Variants in ANO8 observed in about 807,000 individuals in gnomAD.
ANO8 encodes anoctamin 8, also known as anoctamin-8.
ANO8 carries 67 observed loss-of-function variants against 120.4 expected under a neutral mutation model. The ratio of observed to expected loss-of-function variants is 0.56; its 90% CI spans 0.46 to 0.68. The LOEUF (loss-of-function observed/expected upper bound fraction) is 0.68, where lower values mean the gene tolerates loss of function less well. Ranked by LOEUF, ANO8 falls within the 30% of genes least tolerant of loss-of-function variation. The pLI, the probability that ANO8 is intolerant of heterozygous loss-of-function variation, is 0.00. For missense variants in ANO8, 1,526 were observed against 1,737.6 expected, an observed-to-expected ratio of 0.88 and a Z score of 2.16; for synonymous variants, 727 against 759.2, an observed-to-expected ratio of 0.96 and a Z score of 0.70.
At chr19:17,328,134 C>CCCCTGCGAGGCCCCGCT in intron 13 of ANO8, 28 bp downstream of exon 13, 1 of 1,510,500 alleles carries the variant, frequency 6.6e-7, no homozygotes, top group Non-Finnish European at 8.9e-7. Flanking sequence ...GAGGCCCCGC[C>CCCCTGCGAGGCCCCGCT]CCCTGCGAGG....
intron 5 of ANO8, among the ~76,000 whole-genome samples, chr19:17,332,449 A>G (rs1568362311): frequency 6.6e-6 from 1 of 152,038 alleles, no homozygotes; most frequent in South Asian, 2.1e-4. Context: ...ACGTCTGAGG[A>G]ATGGTAAAAA....
At chr19:17,327,376 C>T (rs1030661026) in intron 15 of ANO8, 31 bp from the exon 16 acceptor site, 1 of 1,550,640 alleles carries the variant, frequency 6.4e-7, no homozygotes, top group Admixed American at 2.0e-5. Flanking sequence ...AGGCTGCAGG[C>T]TGCAGACGCT....
chr19:17,325,017 CA>C lies in ANO8; in HGVS notation c.3030del (p.Ala1011ProfsTer308). The C allele has an allele frequency of 6.2e-7, 1 of 1,612,952 alleles. No homozygotes were observed. Among genetic ancestry groups the C allele is most frequent in the Non-Finnish European group, 8.5e-7 (1 of 1,179,866 alleles). ...GTGTCGCTGCCTGTGGGTGACTGGG[CA>C]GGGGGAGGCCGGGTGGTGGCTCCGG... ...AGAGATTRPP[P>X]AQSPTGSDTR... is the part of the protein sequence containing the mutation. On this transcript the variant is annotated frameshift_variant, in exon 17 of 18. Coordinates refer to ENST00000159087, the MANE Select transcript of ANO8 (RefSeq NM_020959.3). LOFTEE classifies it high-confidence loss of function.
At chr19:17,331,260 T>TG in intron 6 of ANO8, 35 bp downstream of exon 6, 1 of 1,614,168 alleles carries the variant, frequency 6.2e-7, no homozygotes, top group Non-Finnish European at 8.5e-7. Flanking sequence ...GCCTGTCTGC[T>TG]GGGACTCCCT....
chr19:17,330,179 C>T lies in ANO8; in HGVS notation c.1219G>A (p.Val407Ile). The change falls in exon 10 of 18, where the codon GTC (valine) becomes ATC (isoleucine). Residue 407 changes from valine (V) to isoleucine (I), a missense_variant. Val to Ile is a conservative substitution (Grantham distance 29). Transcript: ENST00000159087. ...TTGTAGCCCTCGGCACTCACACTGA[C>T]AAGCAGGGCCAGCATGACCTTAGGC... ...FLPKVMLALL[V>I]SVSAEGYKKL... 1 of 1,614,082 alleles carries T rather than the reference C, an allele frequency of 6.2e-7. No individual in the cohort carries two copies. The highest frequency in any genetic ancestry group is 8.5e-7 in the Non-Finnish European group (1 of 1,180,018).
At position 17,333,145 on chromosome 19, in the gene ANO8, T is replaced by TA; in HGVS notation, c.444dup (p.Ile149TyrfsTer3). 1 of 1,613,806 alleles carries TA rather than the reference T, an allele frequency of 6.2e-7. No homozygotes were observed. The highest frequency in any genetic ancestry group is 8.5e-7 in the Non-Finnish European group (1 of 1,179,914). ...AGCTCGCTCTCCACATTCTCATAGA[T>TA]AAAGTCCTCCTCGCAGGAGAAGCCG... On this transcript the variant is annotated frameshift_variant, in exon 4 of 18. Transcript: ENST00000159087. LOFTEE classifies it high-confidence loss of function. This position sits in a 1 kb window ranked among gnomAD's most constrained non-coding sequence, Gnocchi z 7.2.
chr19:17,334,437 G>T, intron 1 of ANO8, 128 bp downstream of exon 1: 1 of 868,556 alleles, frequency 1.2e-6, no homozygotes, highest in Non-Finnish European at 1.7e-6. Context: ...CCGCAGTGCC[G>T]GGAGGAGCCG....
At chr19:17,329,064 G>A (rs987727375) in intron 12 of ANO8, 81 bp from the exon 13 acceptor site, 8 of 1,176,058 alleles carry the variant, frequency 6.8e-6, no homozygotes, top group African/African-American at 1.6e-5. Flanking sequence ...CTCCCTGGGC[G>A]CCCCGCCGGA....
chr19:17,333,496 G>T lies in ANO8; in HGVS notation c.276C>A (p.Pro92=). The T allele has an allele frequency of 6.2e-7, 1 of 1,613,202 alleles. No homozygotes were observed. Among genetic ancestry groups the T allele is most frequent in the Non-Finnish European group, 8.5e-7 (1 of 1,179,994 alleles). ...GGTGGCGGACTTGCACGATGAGCTC[G>T]GGAATGCCCACGCGGATGTGGTTCA... ...WLLNHIRVGI[P]ELIVQVRHHR... Residue 92 remains proline (P), a synonymous_variant, in exon 3 of 18, where the codon CCC becomes CCA. Transcript: ENST00000159087. This position sits in a 1 kb window ranked among gnomAD's most constrained non-coding sequence, Gnocchi z 7.2.
chr19:17,330,582 G>T, intron 8 of ANO8, 78 bp from the exon 9 acceptor site: 1 of 1,448,706 alleles, frequency 6.9e-7, no homozygotes, highest in South Asian at 1.4e-5. Context: ...CCTATCCTCA[G>T]AACTCAATTT....
chr19:17,324,333 G>A (rs2074258514), intron 17 of ANO8, among the ~76,000 whole-genome samples: 1 of 152,098 alleles, frequency 6.6e-6, no homozygotes, highest in South Asian at 2.1e-4. Flanking sequence ...GCTGCAGGGT[G>A]TGGATTTGCA....
chr19:17,333,744 C>T lies in ANO8; in HGVS notation c.163G>A (p.Ala55Thr), dbSNP rs1191196570. Residue 55 changes from alanine (A) to threonine (T), a missense_variant, in exon 2 of 18, where the codon GCG becomes ACG. Around this residue, in one of 8 missense-constraint regions of ANO8, gnomAD observed 322 missense variants for 431.8 expected, o/e 0.75. Coordinates refer to ENST00000159087, the MANE Select transcript of ANO8 (RefSeq NM_020959.3). This position sits in a 1 kb window ranked among gnomAD's most constrained non-coding sequence, Gnocchi z 7.2. The part of the protein sequence containing the change: ...QAGRYLVSHK[A>T]WMKTVPTENC... ...TCTGTAGGCACCGTCTTCATCCACG[C>T]CTTGTGGGACACCAGGTAGCGACCA... 1.2e-6 allele frequency: 2 copies of T among 1,609,666 alleles called. No individual in the cohort carries two copies. Among genetic ancestry groups the T allele is most frequent in the Non-Finnish European group, 1.7e-6 (2 of 1,178,966 alleles).
intron 12 of ANO8, chr19:17,329,491 C>T (rs1028845597): frequency 1.5e-5 from 8 of 536,248 alleles, no homozygotes; most frequent in African/African-American, 3.8e-5. Context: ...GGACCAGCAC[C>T]GCCTGCAGCT....
In ANO8 at chr19:17,327,866, G is replaced by C; in HGVS notation, c.2241C>G (p.Asp747Glu). 1 of 1,613,638 alleles carries C rather than the reference G, an allele frequency of 6.2e-7. No homozygotes were observed. Reference protein sequence around the residue: ...CMKKYEDTFQDYQEMFVQFGY... With the variant: ...CMKKYEDTFQEYQEMFVQFGY... ...CGAACTGCACGAACATCTCCTGGTA[G>C]TCCTGGAACGTGTCCTGCGAGTGGG... The change falls in exon 14 of 18, where the codon GAC becomes GAG. Residue 747 changes from aspartate (D) to glutamate (E), a missense_variant. Transcript: ENST00000159087.
chr19:17,330,933 C>T lies in ANO8; in HGVS notation c.888G>A (p.Thr296=), dbSNP rs772651365. 1 of 1,614,008 alleles carries T rather than the reference C, an allele frequency of 6.2e-7. No homozygotes were observed. The highest frequency in any genetic ancestry group is 1.3e-5 in the African/African-American group (1 of 74,904). ...TCCGCTTCCATTCCTCTAGGAACAG[C>T]GTCGACCAGATCACGTTGAAGAGGG... ...VFALFNVIWS[T]LFLEEWKRRG... Residue 296 remains threonine (T), a synonymous_variant, in exon 8 of 18, where the codon ACG becomes ACA. Coordinates refer to ENST00000159087, the MANE Select transcript of ANO8 (RefSeq NM_020959.3).
rs1234081129 is a variant in ANO8 at position 17,330,827 on chromosome 19, C to T, written c.993+1G>A. The stretch of plus-strand genomic sequence containing the variant: ...GACCCTGGACTCAGCCCCCAACTGA[C>T]CCTGAACTGGGGGCGTGGCTCCTCC... On this transcript the variant is annotated splice_donor_variant, in intron 8 of 17. Transcript: ENST00000159087. LOFTEE classifies it high-confidence loss of function. The T allele has an allele frequency of 1.2e-6, 2 of 1,613,190 alleles. No individual in the cohort carries two copies. Among genetic ancestry groups the T allele is most frequent in the Non-Finnish European group, 1.7e-6 (2 of 1,179,560 alleles).
At chr19:17,329,115 C>G (rs2145687717) in intron 12 of ANO8, 132 bp from the exon 13 acceptor site, 1 of 694,032 alleles carries the variant, frequency 1.4e-6, no homozygotes, top group African/African-American at 1.9e-5. Flanking sequence ...TTCCTAACTC[C>G]GCTGCTTTGG....
rs370008276 is a variant in ANO8, at chr19:17,329,994, C to T, written c.1294G>A (p.Ala432Thr). The change falls in exon 11 of 18, where the codon GCC (alanine) becomes ACC (threonine). Residue 432 changes from alanine (A) to threonine (T), a missense_variant. Physicochemically the swap from Ala to Thr is moderately conservative, Grantham distance 58. Transcript: ENST00000159087. Reference protein sequence around the residue: ...NDMENYRLESAYEKHLIIKVV... With the variant: ...NDMENYRLESTYEKHLIIKVV... ...TTGATGATGAGGTGCTTCTCATAGG[C>T]GCTCTCCAGCCGGTAATTTTCTAGG... The T allele has an allele frequency of 9.3e-6, 15 of 1,613,938 alleles. No individual in the cohort carries two copies. Among genetic ancestry groups the T allele is most frequent in the East Asian group, 8.9e-5 (4 of 44,860 alleles).
chr19:17,331,724 G>A (rs1442921345), intron 5 of ANO8, among the ~76,000 whole-genome samples: 2 of 150,050 alleles, frequency 1.3e-5, no homozygotes, highest in East Asian at 1.9e-4. Flanking sequence ...TCCGCTCACC[G>A]CAACCTTCAA....
Sources: allele counts gnomAD v4.1 joint callset (sites outside exome capture counted in the v4.1 genomes callset), GRCh38; gene constraint gnomAD v4.1.1; regional missense constraint gnomAD v4.1.1; non-coding constraint Gnocchi (gnomAD v3.1); transcripts MANE v1.5; gene names NCBI Gene and HGNC (gene_info 2026-07-23, HGNC 2026-07-21).